The following USH2A variants were observed in gnomAD, a reference collection of about 807,000 sequenced individuals.
The protein encoded by USH2A is Usher syndrome 2A (autosomal recessive, mild).
USH2A carries 443 observed loss-of-function variants against 538.9 expected under a neutral mutation model. The observed-to-expected ratio is 0.82, with a 90% confidence interval of 0.76 to 0.89. The LOEUF (loss-of-function observed/expected upper bound fraction) is 0.89, where lower values mean the gene tolerates loss of function less well. Ranked by LOEUF, USH2A falls within the 40% of genes least tolerant of loss-of-function variation. USH2A has a pLI of 0.00. For missense variants in USH2A, 6,633 were observed against 6,324.8 expected (o/e 1.05, Z -1.65); for synonymous variants, 2,413 against 2,273.5 (o/e 1.06, Z -1.75).
chr1:215,814,275 T>C (rs1427508654), intron 48 of USH2A, among the ~76,000 whole-genome samples: 3 of 147,174 alleles, frequency 2.0e-5, no homozygotes, highest in Non-Finnish European at 4.5e-5. Context: ...CATATGTATA[T>C]ATACATAAGA....
intron 21 of USH2A, among the ~76,000 whole-genome samples, chr1:216,112,958 T>C (rs1348564684): frequency 6.6e-6 from 1 of 152,030 alleles, no homozygotes; most frequent in Non-Finnish European, 1.5e-5. Flanking sequence ...TATATTCTTC[T>C]GGGTATATAC....
At chr1:215,714,957 C>T (rs1326468914) in intron 61 of USH2A, among the ~76,000 whole-genome samples, 1 of 152,036 alleles carries the variant, frequency 6.6e-6, no homozygotes, top group Non-Finnish European at 1.5e-5. Context: ...ATATCATGCC[C>T]CAAATAGGGA....
intron 54 of USH2A, among the ~76,000 whole-genome samples, chr1:215,780,320 A>G (rs896742286): frequency 3.9e-5 from 6 of 152,152 alleles, no homozygotes; most frequent in Admixed American, 3.9e-4. Context: ...TGTTTAAACA[A>G]GTAAAATCTG....
chr1:215,685,222 G>A (rs72739286), intron 61 of USH2A, among the ~76,000 whole-genome samples: 10,338 of 151,964 alleles, frequency 0.068, 518 homozygotes, highest in Non-Finnish European at 0.098. Context: ...AATTTGAGGC[G>A]TGGATTCTGC....
intron 49 of USH2A, among the ~76,000 whole-genome samples, chr1:215,800,422 T>C (rs1383327721): frequency 6.6e-6 from 1 of 152,218 alleles, no homozygotes; most frequent in Non-Finnish European, 1.5e-5. Context: ...TGATGACCAA[T>C]CTGATGGGTC....
At chr1:215,742,391 A>T (rs996216189) in intron 59 of USH2A, among the ~76,000 whole-genome samples, 3 of 152,040 alleles carry the variant, frequency 2.0e-5, no homozygotes, top group African/African-American at 4.8e-5. Flanking sequence ...GCAAATGAGT[A>T]TTATACGTTA....
chr1:216,107,311 T>C (rs558756518), intron 21 of USH2A, among the ~76,000 whole-genome samples: 5 of 151,974 alleles, frequency 3.3e-5, no homozygotes, highest in South Asian at 2.1e-4. Context: ...TTTGAAACTC[T>C]ATTACTACAT....
At chr1:216,094,056 ATTAG>A (rs2032377678) in intron 22 of USH2A, among the ~76,000 whole-genome samples, 1 of 152,074 alleles carries the variant, frequency 6.6e-6, no homozygotes, top group Non-Finnish European at 1.5e-5. Context: ...TGGTCCTGTG[ATTAG>A]TTTTTTTTCC....
intron 21 of USH2A, among the ~76,000 whole-genome samples, chr1:216,113,993 T>C (rs1339695862): frequency 6.6e-6 from 1 of 151,746 alleles, no homozygotes; most frequent in Non-Finnish European, 1.5e-5. Flanking sequence ...AAATTGCTTT[T>C]TTTAGTAAAT....
At chr1:216,184,214 C>T (rs1572028230) in intron 20 of USH2A, among the ~76,000 whole-genome samples, 1 of 152,092 alleles carries the variant, frequency 6.6e-6, no homozygotes, top group African/African-American at 2.4e-5. Flanking sequence ...GGATAATTAG[C>T]CAAGTTGAAT....
rs759604980 is a variant in USH2A, at chr1:215,779,935, G to A, written c.10847C>T (p.Ser3616Leu). 6.2e-7 allele frequency: 1 copy of A among 1,614,056 alleles called. No individual in the cohort carries two copies. The highest frequency in any genetic ancestry group is 8.5e-7 in the Non-Finnish European group (1 of 1,180,028). Residue 3616 changes from serine (S) to leucine (L), a missense_variant, in exon 55 of 72, where the codon TCA becomes TTA. Transcript: ENST00000307340. ...CTGGTACTCTTTAATGACGCCGTTT[G>A]ATTTCTCAGGGACACTCCAGCTCAG... is the stretch of plus-strand genomic sequence containing the variant. Reference protein sequence around the residue: ...LHLSWSVPEKSNGVIKEYQIR... With the variant: ...LHLSWSVPEKLNGVIKEYQIR...
intron 40 of USH2A, among the ~76,000 whole-genome samples, chr1:215,899,778 C>T (rs914191630): frequency 6.6e-6 from 1 of 152,068 alleles, no homozygotes; most frequent in African/African-American, 2.4e-5. Flanking sequence ...AGATGACAAC[C>T]TTTCTCTTGC....
At chr1:215,692,073 AT>A (rs1658631810) in intron 61 of USH2A, among the ~76,000 whole-genome samples, 1 of 152,176 alleles carries the variant, frequency 6.6e-6, no homozygotes, top group Non-Finnish European at 1.5e-5. Context: ...AGAAGAGGGT[AT>A]TTTTTAAAGA....
At chr1:216,421,350 C>G (rs1448368181) in intron 2 of USH2A, among the ~76,000 whole-genome samples, 2 of 152,066 alleles carry the variant, frequency 1.3e-5, no homozygotes. Flanking sequence ...ATTTATATTA[C>G]TGAACATCTT....
At chr1:215,890,904 C>T (rs2102462239) in intron 40 of USH2A, among the ~76,000 whole-genome samples, 1 of 152,256 alleles carries the variant, frequency 6.6e-6, no homozygotes, top group South Asian at 2.1e-4. Context: ...CTAACCTTAT[C>T]TCACCCTCTC....
chr1:216,039,968 G>C (rs1289680526), intron 32 of USH2A, among the ~76,000 whole-genome samples: 1 of 151,334 alleles, frequency 6.6e-6, no homozygotes, highest in Non-Finnish European at 1.5e-5. Flanking sequence ...GATTTTACCA[G>C]AATTCATCCA....
At chr1:216,165,412 T>C (rs1260393058) in intron 21 of USH2A, among the ~76,000 whole-genome samples, 2 of 152,172 alleles carry the variant, frequency 1.3e-5, no homozygotes, top group African/African-American at 4.8e-5. Context: ...CTATAACAAC[T>C]GGTGTACAAG....
At chr1:215,867,230 A>G (rs1664497395) in intron 43 of USH2A, 60 bp from the exon 44 acceptor site, 2 of 1,557,878 alleles carry the variant, frequency 1.3e-6, no homozygotes, top group Middle Eastern at 1.7e-4. Flanking sequence ...AAATCTAACA[A>G]ATAATTTCTT....
intron 21 of USH2A, among the ~76,000 whole-genome samples, chr1:216,163,326 T>G (rs181962931): frequency 6.6e-6 from 1 of 152,138 alleles, no homozygotes; most frequent in Admixed American, 6.6e-5. Context: ...TCATTGATTT[T>G]ATTGATAATA....
Sources: allele counts gnomAD v4.1 joint callset (sites outside exome capture counted in the v4.1 genomes callset), GRCh38; gene constraint gnomAD v4.1.1; transcripts MANE v1.5; gene names NCBI Gene and HGNC (gene_info 2026-07-23, HGNC 2026-07-21).